The following XRCC4 variants were observed in gnomAD, a reference collection of about 807,000 sequenced individuals.
The protein encoded by XRCC4 is DNA repair protein XRCC4.
In XRCC4, 28 loss-of-function variants were observed where a neutral mutation model predicts 39.1. The observed-to-expected ratio is 0.72, with a 90% confidence interval of 0.53 to 0.98. The LOEUF (loss-of-function observed/expected upper bound fraction) is 0.98. Among genes scored for constraint, XRCC4 ranks in the 50% least tolerant of loss-of-function variants. The pLI, the probability that XRCC4 is intolerant of heterozygous loss-of-function variation, is 0.00. For synonymous variants in XRCC4, 123 were observed against 126.4 expected (o/e 0.97, Z 0.18); for missense variants, 350 against 376.4 (o/e 0.93, Z 0.58).
At chr5:83,130,754 C>A (rs1283062482) in intron 3 of XRCC4, among the ~76,000 whole-genome samples, 3 of 152,086 alleles carry the variant, frequency 2.0e-5, no homozygotes, top group African/African-American at 4.8e-5. Flanking sequence ...AGTTTATTTG[C>A]GAAGAGGTGT....
At chr5:83,149,824 C>T (rs971700475) in intron 3 of XRCC4, among the ~76,000 whole-genome samples, 4 of 152,024 alleles carry the variant, frequency 2.6e-5, no homozygotes, top group South Asian at 4.2e-4. Context: ...TGTTACAACC[C>T]AGCTGCAAAA....
chr5:83,330,364 T>C (rs1396411117), intron 7 of XRCC4, among the ~76,000 whole-genome samples: 26 of 151,958 alleles, frequency 1.7e-4, no homozygotes, highest in Admixed American at 1.7e-3. Flanking sequence ...TTATACAAGA[T>C]AGTATTACAC....
chr5:83,170,888 G>A (rs1749692670), intron 3 of XRCC4, among the ~76,000 whole-genome samples: 1 of 152,146 alleles, frequency 6.6e-6, no homozygotes, highest in African/African-American at 2.4e-5. Flanking sequence ...CCATCTTAGA[G>A]TTTTGGCTAC....
At chr5:83,313,663 G>A (rs1275440532) in intron 7 of XRCC4, among the ~76,000 whole-genome samples, 1 of 152,112 alleles carries the variant, frequency 6.6e-6, no homozygotes, top group East Asian at 1.9e-4. Flanking sequence ...CACATCAGCT[G>A]TAATCCTGCT....
At chr5:83,122,808 T>C (rs150999611) in intron 3 of XRCC4, among the ~76,000 whole-genome samples, 14 of 152,134 alleles carry the variant, frequency 9.2e-5, no homozygotes, top group African/African-American at 3.4e-4. Flanking sequence ...AATTAATTAG[T>C]AGTTTGTAAT....
chr5:83,131,473 T>G (rs1747578013), intron 3 of XRCC4, among the ~76,000 whole-genome samples: 1 of 152,174 alleles, frequency 6.6e-6, no homozygotes, highest in Admixed American at 6.6e-5. Context: ...ATGTTGACAG[T>G]GGGGTGTTAA....
intron 1 of XRCC4, among the ~76,000 whole-genome samples, chr5:83,086,406 G>C (rs758127378): frequency 2.3e-4 from 35 of 152,290 alleles, no homozygotes; most frequent in Non-Finnish European, 4.3e-4. Flanking sequence ...TATGCATTAT[G>C]TACTGTATTC....
At chr5:83,166,046 T>C (rs1749457507) in intron 3 of XRCC4, among the ~76,000 whole-genome samples, 1 of 151,858 alleles carries the variant, frequency 6.6e-6, no homozygotes, top group Non-Finnish European at 1.5e-5. Context: ...CTACCACGCC[T>C]GGCTAATTTT....
rs1178674972 is a variant in XRCC4 at position 83,335,946 on chromosome 5, C to CATG, written c.894-17184_894-17182dup. ...ATGTGGAAAACTACACATAAGCAAC[C>CATG]ATGGTTCCTGCCTTCTGAACACTTA... On this transcript the variant is annotated intron_variant, in intron 7 of 7. Transcript: ENST00000396027. 2.0e-4 allele frequency among the ~76,000 whole-genome samples: 30 copies of CATG among 151,908 alleles called. 2 individuals carry two copies. The highest frequency in any genetic ancestry group is 1.5e-5 in the Non-Finnish European group (1 of 67,886).
chr5:83,152,632 CAAA>C (rs59213558), intron 3 of XRCC4, among the ~76,000 whole-genome samples: 10 of 112,332 alleles, frequency 8.9e-5, no homozygotes, highest in African/African-American at 2.7e-4. Flanking sequence ...GATCCTGTCT[CAAA>C]AAAAAAAAAA....
chr5:83,312,022 G>A (rs1755725160), intron 7 of XRCC4, among the ~76,000 whole-genome samples: 1 of 152,112 alleles, frequency 6.6e-6, no homozygotes, highest in African/African-American at 2.4e-5. Context: ...AATTGGTAAA[G>A]GGGCCTGGGA....
At chr5:83,161,412 G>A (rs1462785611) in intron 3 of XRCC4, among the ~76,000 whole-genome samples, 1 of 152,150 alleles carries the variant, frequency 6.6e-6, no homozygotes, top group African/African-American at 2.4e-5. Flanking sequence ...GATTACAGGT[G>A]TGAGCCACCA....
At chr5:83,285,049 G>A (rs1319060930) in intron 7 of XRCC4, among the ~76,000 whole-genome samples, 1 of 152,070 alleles carries the variant, frequency 6.6e-6, no homozygotes, top group Non-Finnish European at 1.5e-5. Context: ...TTATTTGATA[G>A]GGCAGGCCTA....
chr5:83,255,000 T>A (rs540494069), intron 6 of XRCC4, among the ~76,000 whole-genome samples: 1 of 150,358 alleles, frequency 6.7e-6, no homozygotes, highest in South Asian at 2.1e-4. Flanking sequence ...GGCAGGAGAG[T>A]TGTTTGAACC....
At position 83,279,170 on chromosome 5, in the gene XRCC4, G is replaced by A. The variant is rs1754449001; in HGVS notation, c.893+20493G>A. Among the ~76,000 whole-genome samples, 2 of 149,688 alleles carry A rather than the reference G, an allele frequency of 1.3e-5. 1 individual carries two copies. Among genetic ancestry groups the A allele is most frequent in the South Asian group, 4.2e-4 (2 of 4,782 alleles). On this transcript the variant is annotated intron_variant, in intron 7 of 7. Transcript: ENST00000396027. ...AATACACACAATAAATTGAAAAATA[G>A]GGATGCATAGTGCTGGATACATATC...
chr5:83,120,016 C>A (rs10036514), intron 3 of XRCC4, among the ~76,000 whole-genome samples: 17,059 of 126,970 alleles, frequency 0.13, 2,209 homozygotes, highest in African/African-American at 0.42. Flanking sequence ...AAAAAAAAAA[C>A]AATAACAGAA....
At chr5:83,191,585 A>G (rs557484415) in intron 3 of XRCC4, among the ~76,000 whole-genome samples, 1 of 152,294 alleles carries the variant, frequency 6.6e-6, no homozygotes, top group South Asian at 2.1e-4. Flanking sequence ...CTGTAATCCC[A>G]GCTACTCAGG....
intron 6 of XRCC4, among the ~76,000 whole-genome samples, chr5:83,222,914 A>G (rs1752143822): frequency 6.6e-6 from 1 of 151,884 alleles, no homozygotes; most frequent in Non-Finnish European, 1.5e-5. Context: ...CACCTGGCTA[A>G]TTTTTGTAGT....
chr5:83,327,818 A>G (rs1211773499), intron 7 of XRCC4, among the ~76,000 whole-genome samples: 2 of 152,140 alleles, frequency 1.3e-5, no homozygotes, highest in African/African-American at 4.8e-5. Flanking sequence ...CTTCTCATGT[A>G]TACAACACAC....
Sources: allele counts gnomAD v4.1 joint callset (sites outside exome capture counted in the v4.1 genomes callset), GRCh38; gene constraint gnomAD v4.1.1; transcripts MANE v1.5; gene names NCBI Gene and HGNC (gene_info 2026-07-23, HGNC 2026-07-21).